Variants in NTNG1 observed in about 807,000 individuals in gnomAD.
NTNG1 encodes the protein netrin G1.
NTNG1 carries 16 observed loss-of-function variants against 54.0 expected under a neutral mutation model. That is an observed-to-expected ratio of 0.30 (90% confidence interval 0.20 to 0.45). The LOEUF is 0.45. Ranked by LOEUF, NTNG1 falls within the 20% of genes least tolerant of loss-of-function variation. The pLI, the probability that NTNG1 is intolerant of heterozygous loss-of-function variation, is 1.00. For synonymous variants in NTNG1, 255 were observed against 263.1 expected (o/e 0.97, Z 0.30); for missense variants, 530 against 678.7 (o/e 0.78, Z 2.43).
intron 2 of NTNG1, among the ~76,000 whole-genome samples, chr1:107,268,545 G>A (rs1663914505): frequency 6.6e-6 from 1 of 150,544 alleles, no homozygotes; most frequent in African/African-American, 2.4e-5. Context: ...ACCTCTTAAG[G>A]TACACTGTGT....
Position 107,421,018 on chromosome 1 carries a change from G to C in NTNG1, c.1088-9732G>C, listed in dbSNP as rs1570926448. The C allele has an allele frequency of 6.3e-6, 7 of 1,117,644 alleles. No homozygotes were observed. The East Asian group carries it at 1.7e-4, about 27-fold the overall frequency. The allele number at this position is 1,117,644 out of a possible 1,614,324, so 69.2% of individuals were successfully genotyped here. On this transcript the variant is annotated intron_variant, in intron 5 of 7. Coordinates refer to ENST00000370068, the MANE Select transcript of NTNG1 (RefSeq NM_001113226.3). Reference sequence around the variant, plus strand: ...TACTTTTCAAGTGGGTTGGTGATAAGTTATTACAGTTTGAACGTTTCACTA... The same window carrying C: ...TACTTTTCAAGTGGGTTGGTGATAACTTATTACAGTTTGAACGTTTCACTA...
At chr1:107,159,306 T>G (rs1046427234) in intron 2 of NTNG1, among the ~76,000 whole-genome samples, 9 of 152,200 alleles carry the variant, frequency 5.9e-5, no homozygotes, top group African/African-American at 2.4e-5. Flanking sequence ...CTCAGAATCA[T>G]GTTCTATTTA....
chr1:107,219,026 T>C (rs1660160379), intron 2 of NTNG1, among the ~76,000 whole-genome samples: 1 of 152,170 alleles, frequency 6.6e-6, no homozygotes, highest in Non-Finnish European at 1.5e-5. Flanking sequence ...TTTAGACTTA[T>C]CTTCTTCCTC....
At chr1:107,431,951 A>G (rs1293728647) in intron 6 of NTNG1, among the ~76,000 whole-genome samples, 1 of 152,158 alleles carries the variant, frequency 6.6e-6, no homozygotes, top group African/African-American at 2.4e-5. Flanking sequence ...TTGTCCTCTG[A>G]TTGGATCGTC....
At chr1:107,350,007 A>G (rs1350633727) in intron 3 of NTNG1, among the ~76,000 whole-genome samples, 1 of 152,120 alleles carries the variant, frequency 6.6e-6, no homozygotes, top group Non-Finnish European at 1.5e-5. Flanking sequence ...AAAGTGTTGT[A>G]CTAATTTATA....
At chr1:107,333,659 T>C (rs563686914) in intron 3 of NTNG1, among the ~76,000 whole-genome samples, 3 of 150,502 alleles carry the variant, frequency 2.0e-5, no homozygotes, top group Non-Finnish European at 4.4e-5. Context: ...ATGTGTGTGT[T>C]TGTGTGTGTG....
intron 3 of NTNG1, among the ~76,000 whole-genome samples, chr1:107,372,171 T>C (rs1173389992): frequency 1.3e-5 from 2 of 152,050 alleles, no homozygotes; most frequent in Non-Finnish European, 2.9e-5. Context: ...TTCTATTTCA[T>C]TGGTTTCTGC....
chr1:107,417,083 A>G (rs1212907490), intron 5 of NTNG1, among the ~76,000 whole-genome samples: 1 of 152,240 alleles, frequency 6.6e-6, no homozygotes, highest in East Asian at 1.9e-4. Flanking sequence ...TCTACCATTC[A>G]ATATCTACCC....
At chr1:107,421,914 C>T (rs902516566) in intron 5 of NTNG1, among the ~76,000 whole-genome samples, 34 of 152,020 alleles carry the variant, frequency 2.2e-4, no homozygotes, top group Non-Finnish European at 1.3e-4. Flanking sequence ...ACACCTCTTA[C>T]AAAGAAATGC....
Position 107,340,595 on chromosome 1 carries a change from CAT to C in NTNG1, c.887+15676_887+15677del, listed in dbSNP as rs565504301. ...TATCAGATTTTTCTACCAACAAAAA[CAT>C]ATGTAAAGATTCCAATGTTATTTTA... On this transcript the variant is annotated intron_variant, in intron 3 of 7. Transcript: ENST00000370068. 2.0e-5 allele frequency among the ~76,000 whole-genome samples: 3 copies of C among 152,158 alleles called. No individual in the cohort carries two copies. The South Asian group carries it at 6.2e-4, about 32-fold the overall frequency.
At chr1:107,265,723 T>C (rs570931485) in intron 2 of NTNG1, among the ~76,000 whole-genome samples, 1 of 152,354 alleles carries the variant, frequency 6.6e-6, no homozygotes, top group South Asian at 2.1e-4. Context: ...ATGTAAGTTG[T>C]TTTAACATAT....
At position 107,340,474 on chromosome 1, in the gene NTNG1, G is replaced by T. The variant is rs553391484; in HGVS notation, c.887+15552G>T. 3.3e-5 allele frequency among the ~76,000 whole-genome samples: 5 copies of T among 152,154 alleles called. No individual in the cohort carries two copies. In the East Asian group the frequency reaches 9.7e-4, roughly 29 times the overall value. ...CAGAAGCAAAAGAATATCTCTCAGG[G>T]TTACACATTTTATATTTGTTTAGCA... On this transcript the variant is annotated intron_variant, in intron 3 of 7. Transcript: ENST00000370068.
rs77389459 is a variant in NTNG1 at position 107,299,926 on chromosome 1, G to A, written c.247-24356G>A. 8.4e-3 allele frequency among the ~76,000 whole-genome samples: 1,286 copies of A among 152,194 alleles called. 6 individuals are homozygous for A. The highest frequency in any genetic ancestry group is 0.014 in the Non-Finnish European group (960 of 68,004). ...ATTGGAAGCAAAATTGAAGAAAACA[G>A]ATACAGTACATTTTAAAAGAGAGAT... On this transcript the variant is annotated intron_variant, in intron 2 of 7. Coordinates refer to ENST00000370068, the MANE Select transcript of NTNG1 (RefSeq NM_001113226.3).
chr1:107,191,827 G>T (rs1335604140), intron 2 of NTNG1, among the ~76,000 whole-genome samples: 1 of 151,964 alleles, frequency 6.6e-6, no homozygotes, highest in Non-Finnish European at 1.5e-5. Flanking sequence ...TTTGGTTACT[G>T]TAGCCTTGTA....
chr1:107,177,612 C>T (rs149285163), intron 2 of NTNG1, among the ~76,000 whole-genome samples: 1,799 of 152,212 alleles, frequency 0.012, 34 homozygotes, highest in African/African-American at 0.041. Context: ...GGATTACAGG[C>T]GTGAACCACC....
At chr1:107,338,071 G>A (rs952101989) in intron 3 of NTNG1, among the ~76,000 whole-genome samples, 6 of 151,972 alleles carry the variant, frequency 3.9e-5, no homozygotes, top group African/African-American at 1.4e-4. Flanking sequence ...CCCTTGTAAA[G>A]TGGCCTATGT....
chr1:107,177,522 A>G (rs1656734457), intron 2 of NTNG1, among the ~76,000 whole-genome samples: 1 of 152,040 alleles, frequency 6.6e-6, no homozygotes, highest in South Asian at 2.1e-4. Flanking sequence ...TTTAGTATAG[A>G]TGGGGTTTCA....
intron 3 of NTNG1, among the ~76,000 whole-genome samples, chr1:107,373,670 T>C (rs929723757): frequency 2.0e-5 from 3 of 151,868 alleles, no homozygotes; most frequent in African/African-American, 4.8e-5. Context: ...TGAAAATGTC[T>C]TTATTCAGCC....
At chr1:107,330,553 A>T (rs1487049790) in intron 3 of NTNG1, among the ~76,000 whole-genome samples, 1 of 152,132 alleles carries the variant, frequency 6.6e-6, no homozygotes, top group African/African-American at 2.4e-5. Context: ...AAGACTTCCT[A>T]GTGAATTGGA....
Sources: gnomAD v4.1 joint callset for allele counts (sites outside exome capture counted in the v4.1 genomes callset) on GRCh38, gnomAD v4.1.1 for gene constraint, MANE v1.5 for transcripts, NCBI Gene and HGNC (gene_info 2026-07-23, HGNC 2026-07-21) for gene names.